PNPLA7: variants seen among roughly 807,000 people sequenced by gnomAD.
The protein encoded by PNPLA7 is patatin like domain 7, lysophospholipase.
In PNPLA7, 153 loss-of-function variants were observed where a neutral mutation model predicts 161.7. The observed-to-expected ratio is 0.95, with a 90% confidence interval of 0.83 to 1.08. PNPLA7 has a LOEUF of 1.08. Among genes scored for constraint, PNPLA7 ranks in the 50% least tolerant of loss-of-function variants. PNPLA7 has a pLI of 0.00. For missense variants in PNPLA7, 1,739 were observed against 1,856.6 expected (o/e 0.94, Z 1.16); for synonymous variants, 809 against 782.1 (o/e 1.03, Z -0.57).
At chr9:137,526,201 T>G (rs1835293730) in intron 8 of PNPLA7, among the ~76,000 whole-genome samples, 1 of 152,210 alleles carries the variant, frequency 6.6e-6, no homozygotes, top group Non-Finnish European at 1.5e-5. Context: ...ACAAGGAGGA[T>G]GGCATAGCTC....
At chr9:137,506,174 C>G in intron 12 of PNPLA7, 91 bp from the exon 13 acceptor site, 1 of 1,054,584 alleles carries the variant, frequency 9.5e-7, no homozygotes, top group Non-Finnish European at 1.4e-6. Flanking sequence ...GCAGTCTAAC[C>G]ACACAGACCC....
chr9:137,547,150 C>T lies in PNPLA7; in HGVS notation c.193+159G>A, dbSNP rs1176896255. Among the ~76,000 whole-genome samples, 1 of 152,190 alleles carries T rather than the reference C, an allele frequency of 6.6e-6. No individual in the cohort carries two copies. Among genetic ancestry groups the T allele is most frequent in the African/African-American group, 2.4e-5 (1 of 41,450 alleles). On this transcript the variant is annotated intron_variant, in intron 3 of 34. Coordinates refer to ENST00000406427, the MANE Select transcript of PNPLA7 (RefSeq NM_001098537.3). The surrounding 1 kb of genome is among the most constrained non-coding windows in gnomAD (Gnocchi z 4.6). ...AAAGGGCTCTGAACAGACTTGGCTTCCTGGAACCGACGGGCTCAGCCTGAG... is the reference window on the plus strand; with the variant it reads ...AAAGGGCTCTGAACAGACTTGGCTTTCTGGAACCGACGGGCTCAGCCTGAG...
chr9:137,517,577 T>C (rs868337113), intron 11 of PNPLA7, among the ~76,000 whole-genome samples: 5 of 60,946 alleles, frequency 8.2e-5, no homozygotes, highest in Non-Finnish European at 6.8e-5. Flanking sequence ...ACTCCATCCC[T>C]CACTCACTCA....
intron 15 of PNPLA7, among the ~76,000 whole-genome samples, chr9:137,501,188 G>T (rs1010002506): frequency 6.6e-6 from 1 of 152,212 alleles, no homozygotes; most frequent in Non-Finnish European, 1.5e-5. Flanking sequence ...TGGCAAATGC[G>T]CGTCAGCCCA....
rs921616421 is a variant in PNPLA7, at chr9:137,542,777, C to T, written c.531G>A (p.Pro177=). 4 of 1,613,562 alleles carry T rather than the reference C, an allele frequency of 2.5e-6. No homozygotes were observed. The highest frequency in any genetic ancestry group is 4.5e-5 in the East Asian group (2 of 44,860). Residue 177 remains proline, a synonymous_variant, in exon 7 of 35, where the codon CCG becomes CCA. Transcript: ENST00000406427. ...TGTGTTTGCAAAGCTCCAGGAACAG[C>T]GGCTTCTCAAAGTGGCCCAGGACCC... ...NVRVLGHFEK[P]LFLELCKHIV... is the part of the protein sequence containing the mutation.
At position 137,498,133 on chromosome 9, in the gene PNPLA7, C is replaced by A. The variant is rs1357112928; in HGVS notation, c.1870G>T (p.Ala624Ser). The A allele has an allele frequency of 3.1e-6, 5 of 1,613,058 alleles. No individual in the cohort carries two copies. In the East Asian group the frequency reaches 1.1e-4, roughly 36 times the overall value. ...DFALDWVEVEAGRAIYRQGDK... is the reference protein window; with the variant it reads ...DFALDWVEVESGRAIYRQGDK... Reference sequence around the variant, plus strand: ...CCTCACCTGTATATTGCTCGCCCGGCCTCCACCTCCACCCAGTCCAGGGCA... The same window carrying A: ...CCTCACCTGTATATTGCTCGCCCGGACTCCACCTCCACCCAGTCCAGGGCA... The change falls in exon 17 of 35, where the codon GCC (alanine) becomes TCC (serine). Residue 624 changes from alanine (A) to serine (S), a missense_variant. Around this residue, in one of 6 missense-constraint regions of PNPLA7, gnomAD observed 481 missense variants for 450.0 expected, o/e 1.07. Coordinates refer to ENST00000406427, the MANE Select transcript of PNPLA7 (RefSeq NM_001098537.3).
chr9:137,488,500 T>A (rs1202748710), intron 20 of PNPLA7, among the ~76,000 whole-genome samples: 1 of 152,128 alleles, frequency 6.6e-6, no homozygotes, highest in Non-Finnish European at 1.5e-5. Context: ...GGGACAGAGC[T>A]CGAGGCAGCT....
At chr9:137,525,901 T>C (rs1429050048) in intron 8 of PNPLA7, among the ~76,000 whole-genome samples, 2 of 150,576 alleles carry the variant, frequency 1.3e-5, no homozygotes, top group East Asian at 3.9e-4. Context: ...CTAGTGGCCC[T>C]GTCTGGGCAT....
intron 12 of PNPLA7, among the ~76,000 whole-genome samples, chr9:137,512,289 C>T (rs932112396): frequency 1.3e-5 from 2 of 152,270 alleles, no homozygotes; most frequent in African/African-American, 4.8e-5. Flanking sequence ...CCTGCACCAC[C>T]ACGAGAAGGT....
Position 137,500,019 on chromosome 9 carries a change from G to A in PNPLA7, c.1757+672C>T, listed in dbSNP as rs1833292577. Among the ~76,000 whole-genome samples the A allele has an allele frequency of 2.0e-5, 3 of 152,264 alleles. No homozygotes were observed. In the South Asian group the frequency reaches 6.2e-4, roughly 31 times the overall value. ...AGGAGATTCTGGACCTGACAGAGCAGAATGCCCAGTGCCGTGGATGCAAAG... is the reference window on the plus strand; with the variant it reads ...AGGAGATTCTGGACCTGACAGAGCAAAATGCCCAGTGCCGTGGATGCAAAG... On this transcript the variant is annotated intron_variant, in intron 16 of 34. Transcript: ENST00000406427. This position sits in a 1 kb window ranked among gnomAD's most constrained non-coding sequence, Gnocchi z 5.5.
chr9:137,498,017 C>T, intron 17 of PNPLA7, 97 bp downstream of exon 17: 1 of 1,527,618 alleles, frequency 6.5e-7, no homozygotes, highest in African/African-American at 1.4e-5. Context: ...ACAGTAACTT[C>T]CGTGTGTGGT....
intron 14 of PNPLA7, among the ~76,000 whole-genome samples, chr9:137,502,169 C>T (rs1379509870): frequency 6.6e-6 from 1 of 152,094 alleles, no homozygotes; most frequent in Non-Finnish European, 1.5e-5. Context: ...CCCGGGAGTG[C>T]CCAACACACT....
rs1836127917 is a variant in PNPLA7, at chr9:137,540,359, C to CT, written c.747+282dup. On this transcript the variant is annotated intron_variant, in intron 8 of 34. Coordinates refer to ENST00000406427, the MANE Select transcript of PNPLA7 (RefSeq NM_001098537.3). The surrounding 1 kb of genome is among the most constrained non-coding windows in gnomAD (Gnocchi z 5.1). ...GCCTTCCCTCTACAACACTTTGTGC[C>CT]TTTTGAATGCTGAACCACATGCATT... 6.6e-6 allele frequency among the ~76,000 whole-genome samples: 1 copy of CT among 152,220 alleles called. No individual in the cohort carries two copies. Among genetic ancestry groups the CT allele is most frequent in the African/African-American group, 2.4e-5 (1 of 41,468 alleles).
At chr9:137,482,990 A>G (rs572563488) in intron 21 of PNPLA7, among the ~76,000 whole-genome samples, 13 of 152,160 alleles carry the variant, frequency 8.5e-5, no homozygotes, top group Non-Finnish European at 1.5e-4. Flanking sequence ...CTCCTGCCTC[A>G]GCCTCCCTGG....
chr9:137,532,645 T>TTA (rs1485353581), intron 8 of PNPLA7, among the ~76,000 whole-genome samples: 1 of 152,114 alleles, frequency 6.6e-6, no homozygotes, highest in Non-Finnish European at 1.5e-5. Flanking sequence ...AGCTGACACT[T>TTA]GGTTTTAGAG....
At chr9:137,464,070 TC>T in intron 28 of PNPLA7, 55 bp downstream of exon 28, 2 of 1,566,976 alleles carry the variant, frequency 1.3e-6, no homozygotes, top group Non-Finnish European at 8.7e-7. Context: ...TGCTGAGCTC[TC>T]CCCCTGCCCA....
In PNPLA7 at chr9:137,501,712, C is replaced by G; in HGVS notation, c.1489G>C (p.Asp497His). The change falls in exon 15 of 35, where the codon GAT (aspartate) becomes CAT (histidine). Residue 497 changes from aspartate (D) to histidine (H), a missense_variant. Transcript: ENST00000406427. ...LMKLEDSSLL[D>H]GRVALLHVPA... is the part of the protein sequence containing the mutation. ...ACGTGCAGAAGCGCCACCCGGCCAT[C>G]CAACAGAGATGAGTCCTAAAAACAG... is the stretch of plus-strand genomic sequence containing the variant. 6.2e-7 allele frequency: 1 copy of G among 1,612,598 alleles called. No homozygotes were observed. Among genetic ancestry groups the G allele is most frequent in the Non-Finnish European group, 8.5e-7 (1 of 1,179,860 alleles).
In PNPLA7 at chr9:137,546,925, G is replaced by C. The variant is rs1836561516; in HGVS notation, c.194-16C>G. Reference sequence around the variant, plus strand: ...TGTGCTTGTCCTGCAGGGGAGTAAAGGGATGGCCTGAGGTAGAGCCGTGGC... The same window carrying C: ...TGTGCTTGTCCTGCAGGGGAGTAAACGGATGGCCTGAGGTAGAGCCGTGGC... On this transcript the variant is annotated splice_polypyrimidine_tract_variant and intron_variant, in intron 3 of 34. Coordinates refer to ENST00000406427, the MANE Select transcript of PNPLA7 (RefSeq NM_001098537.3). The C allele has an allele frequency of 6.2e-7, 1 of 1,612,860 alleles. No individual in the cohort carries two copies. Among genetic ancestry groups the C allele is most frequent in the African/African-American group, 1.3e-5 (1 of 74,918 alleles).
chr9:137,501,052 C>T (rs970580819), intron 15 of PNPLA7, among the ~76,000 whole-genome samples, 156 bp from the exon 16 acceptor site: 3 of 152,216 alleles, frequency 2.0e-5, no homozygotes, highest in East Asian at 1.9e-4. Context: ...AACATTTCGG[C>T]AGCGTCTACG....
Sources: gnomAD v4.1 joint callset for allele counts (sites outside exome capture counted in the v4.1 genomes callset) on GRCh38, gnomAD v4.1.1 for gene constraint, gnomAD v4.1.1 regional missense constraint, Gnocchi (gnomAD v3.1) non-coding constraint, MANE v1.5 for transcripts, NCBI Gene and HGNC (gene_info 2026-07-23, HGNC 2026-07-21) for gene names.